The following KCNMA1 variants were observed in gnomAD, a reference collection of about 807,000 sequenced individuals.
KCNMA1 encodes Calcium-activated potassium channel subunit alpha-1.
A neutral mutation model predicts 140.0 loss-of-function variants in KCNMA1; 29 were observed. That is an observed-to-expected ratio of 0.21 (90% CI 0.15 to 0.28). KCNMA1 has a LOEUF of 0.28. Ranked by LOEUF, KCNMA1 falls within the 10% of genes least tolerant of loss-of-function variation. The pLI is 1.00. For synonymous variants in KCNMA1, 612 were observed against 611.9 expected (o/e 1.00, Z 0.00); for missense variants, 880 against 1,602.2 (o/e 0.55, Z 7.70).
chr10:77,623,070 T>G (rs1017812627), intron 1 of KCNMA1, among the ~76,000 whole-genome samples: 3 of 152,340 alleles, frequency 2.0e-5, no homozygotes, highest in South Asian at 4.2e-4. Flanking sequence ...GAAAATCATT[T>G]TAAAGCCCTG....
At chr10:77,160,157 C>A (rs187992126) in intron 5 of KCNMA1, among the ~76,000 whole-genome samples, 123 of 152,272 alleles carry the variant, frequency 8.1e-4, no homozygotes, top group African/African-American at 2.8e-3. Context: ...CGGAGTAAGT[C>A]CTGCCCCAGA....
chr10:77,433,570 T>A (rs1374457304), intron 1 of KCNMA1: 1 of 152,276 alleles, frequency 6.6e-6, no homozygotes, highest in African/African-American at 2.4e-5. Flanking sequence ...AAAATCACTT[T>A]GCACTCTGAA....
chr10:77,087,141 A>T (rs570273496), intron 10 of KCNMA1, among the ~76,000 whole-genome samples: 110 of 152,232 alleles, frequency 7.2e-4, no homozygotes, highest in African/African-American at 2.5e-3. Flanking sequence ...GCCGGCTTGA[A>T]CTGGGCATCT....
At chr10:77,039,760 C>A (rs1324678102) in intron 14 of KCNMA1, 123 bp from the exon 15 acceptor site, 2 of 706,592 alleles carry the variant, frequency 2.8e-6, no homozygotes. Flanking sequence ...ACCTTTTCAG[C>A]AATCAGGAAC....
chr10:77,230,287 G>A (rs140231255), intron 3 of KCNMA1, among the ~76,000 whole-genome samples: 1 of 152,306 alleles, frequency 6.6e-6, no homozygotes, highest in East Asian at 1.9e-4. Context: ...GGCCTAGGAG[G>A]ACAGAGGAAT....
chr10:77,597,472 C>A lies in KCNMA1; in HGVS notation c.378+39793G>T, dbSNP rs138536190. 2.2e-3 allele frequency among the ~76,000 whole-genome samples: 335 copies of A among 152,254 alleles called. 1 individual carries two copies. The highest frequency in any genetic ancestry group is 4.1e-3 in the Non-Finnish European group (277 of 68,022). On this transcript the variant is annotated intron_variant, in intron 1 of 27. Coordinates refer to ENST00000286628, the MANE Select transcript of KCNMA1 (RefSeq NM_001161352.2). Reference sequence around the variant, plus strand: ...TTCCACACATGTAACAAATATCACACATACCCCATAAATAGGTAAAATATT... The same window carrying A: ...TTCCACACATGTAACAAATATCACAAATACCCCATAAATAGGTAAAATATT...
chr10:77,391,178 C>T (rs753874344), intron 2 of KCNMA1, among the ~76,000 whole-genome samples: 28 of 152,156 alleles, frequency 1.8e-4, no homozygotes, highest in Non-Finnish European at 1.0e-4. Flanking sequence ...ATCTACCTTC[C>T]GAATTAACCA....
At chr10:77,240,696 G>C (rs563409455) in intron 3 of KCNMA1, among the ~76,000 whole-genome samples, 1 of 152,284 alleles carries the variant, frequency 6.6e-6, no homozygotes, top group African/African-American at 2.4e-5. Context: ...GGAAGATCTG[G>C]CCACTAGAGC....
intron 1 of KCNMA1, among the ~76,000 whole-genome samples, chr10:77,431,993 GAAA>G (rs144459194): frequency 6.9e-6 from 1 of 144,870 alleles, no homozygotes. Context: ...CTCTATCTCT[GAAA>G]AAAAAAAAGG....
At chr10:77,506,644 G>GGA (rs36130333) in intron 1 of KCNMA1, among the ~76,000 whole-genome samples, 1,120 of 37,716 alleles carry the variant, frequency 0.03, 17 homozygotes, top group Non-Finnish European at 0.044. Context: ...AGACAGAGAG[G>GGA]GAGAGAGAGA....
At chr10:77,406,442 A>T (rs553693157) in intron 1 of KCNMA1, among the ~76,000 whole-genome samples, 8 of 152,322 alleles carry the variant, frequency 5.3e-5, no homozygotes, top group African/African-American at 1.9e-4. Context: ...CGTGCCCCTG[A>T]CACCATAAAG....
rs1411495766 is a variant in KCNMA1 at position 77,391,366 on chromosome 10, C to G, written c.540+12496G>C. On this transcript the variant is annotated intron_variant, in intron 2 of 27. Coordinates refer to ENST00000286628, the MANE Select transcript of KCNMA1 (RefSeq NM_001161352.2). ...CTTCCCACCCTCACCCCGTCTCCATCATGTCAGCACAAGGCCAATTTTACA... is the reference window on the plus strand; with the variant it reads ...CTTCCCACCCTCACCCCGTCTCCATGATGTCAGCACAAGGCCAATTTTACA... Among the ~76,000 whole-genome samples, 3 of 152,168 alleles carry G rather than the reference C, an allele frequency of 2.0e-5. No individual in the cohort carries two copies. In the East Asian group the frequency reaches 5.8e-4, roughly 29 times the overall value.
intron 2 of KCNMA1, among the ~76,000 whole-genome samples, chr10:77,281,516 T>C (rs1479337139): frequency 6.6e-6 from 1 of 152,182 alleles, no homozygotes; most frequent in Non-Finnish European, 1.5e-5. Flanking sequence ...GAACAGCTGC[T>C]GCTAAGCAGG....
chr10:77,465,906 C>T (rs1468159065), intron 1 of KCNMA1, among the ~76,000 whole-genome samples: 1 of 152,184 alleles, frequency 6.6e-6, no homozygotes, highest in Admixed American at 6.5e-5. Flanking sequence ...CAACCTGCCT[C>T]AGCCTATGGA....
At chr10:77,012,245 G>A in intron 17 of KCNMA1, 1 of 1,466,052 alleles carries the variant, frequency 6.8e-7, no homozygotes. Context: ...TGTGATTTGA[G>A]TTAGTGCTCC....
chr10:77,398,484 A>C (rs2154457346), intron 2 of KCNMA1, among the ~76,000 whole-genome samples: 1 of 152,326 alleles, frequency 6.6e-6, no homozygotes, highest in African/African-American at 2.4e-5. Context: ...CTTGTTGGCC[A>C]TTCGTATGTC....
rs572974346 is a variant in KCNMA1 at position 77,604,099 on chromosome 10, T to C, written c.378+33166A>G. On this transcript the variant is annotated intron_variant, in intron 1 of 27. Transcript: ENST00000286628. ...GCAGCCTTCTCTTGATTCTCCAGGT[T>C]GCCCTGTGTGCAGCAGGATGCCAAC... 5.4e-3 allele frequency among the ~76,000 whole-genome samples: 822 copies of C among 152,358 alleles called. 2 individuals carry two copies. The highest frequency in any genetic ancestry group is 9.1e-3 in the Non-Finnish European group (622 of 68,028).
downstream of KCNMA1, chr10:76,873,353 C>T (rs1172348417): frequency 6.6e-6 from 1 of 152,138 alleles, no homozygotes; most frequent in African/African-American, 2.4e-5. Flanking sequence ...TTACTACTGT[C>T]TCATAAATAA....
chr10:77,145,290 A>G (rs778483199), intron 5 of KCNMA1, among the ~76,000 whole-genome samples: 20 of 152,188 alleles, frequency 1.3e-4, no homozygotes, highest in Admixed American at 3.9e-4. Context: ...AATGGGAAAC[A>G]CTTTTCAAGA....
Sources: gnomAD v4.1 joint callset for allele counts (sites outside exome capture counted in the v4.1 genomes callset) on GRCh38, gnomAD v4.1.1 for gene constraint, MANE v1.5 for transcripts, NCBI Gene and HGNC (gene_info 2026-07-23, HGNC 2026-07-21) for gene names.